PIK3AP1: variants seen among roughly 807,000 people sequenced by gnomAD.
The protein encoded by PIK3AP1 is phosphoinositide-3-kinase adaptor protein 1, also known as phosphoinositide 3-kinase adapter protein 1.
A neutral mutation model predicts 88.1 loss-of-function variants in PIK3AP1; 21 were observed. That is an observed-to-expected ratio of 0.24 (90% CI 0.17 to 0.34). The LOEUF is 0.34. Ranked by LOEUF, PIK3AP1 falls within the 10% of genes least tolerant of loss-of-function variation. The probability of loss-of-function intolerance (pLI) is 1.00; values close to 1 mark genes in which losing one functional copy is unlikely to be tolerated. For synonymous variants in PIK3AP1, 398 were observed against 400.0 expected (o/e 1.00, Z 0.06); for missense variants, 828 against 1,035.7 (o/e 0.80, Z 2.75).
intron 10 of PIK3AP1, 98 bp downstream of exon 10, chr10:96,626,610 T>A: frequency 7.8e-7 from 1 of 1,282,800 alleles, no homozygotes; most frequent in Non-Finnish European, 1.1e-6. Flanking sequence ...TAGAAGGGGA[T>A]AGTCTCTGAG....
intron 8 of PIK3AP1, among the ~76,000 whole-genome samples, chr10:96,639,064 A>G (rs563316156): frequency 2.6e-5 from 4 of 152,224 alleles, no homozygotes; most frequent in Non-Finnish European, 2.9e-5. Flanking sequence ...GAAAAGAGAA[A>G]GGCAATTTAG....
intron 8 of PIK3AP1, among the ~76,000 whole-genome samples, chr10:96,633,734 A>G (rs1259144789): frequency 2.0e-5 from 3 of 152,252 alleles, no homozygotes; most frequent in African/African-American, 7.2e-5. Flanking sequence ...AGTTCATTGT[A>G]ATATTTGAAT....
chr10:96,630,450 T>C (rs757963184), intron 8 of PIK3AP1, among the ~76,000 whole-genome samples: 6 of 152,218 alleles, frequency 3.9e-5, no homozygotes, highest in African/African-American at 4.8e-5. Context: ...ATTCATTCTT[T>C]AAAAATTCAA....
At chr10:96,677,307 A>G (rs1843936652) in intron 2 of PIK3AP1, among the ~76,000 whole-genome samples, 1 of 152,064 alleles carries the variant, frequency 6.6e-6, no homozygotes, top group Non-Finnish European at 1.5e-5. Context: ...AAAACCAATC[A>G]TGTTTGGTTT....
In PIK3AP1 at chr10:96,720,499, G is replaced by T. The variant is rs1844558070; in HGVS notation, c.-105C>A. On this transcript the variant is annotated 5_prime_UTR_variant, in exon 1 of 17. Coordinates refer to ENST00000339364, the MANE Select transcript of PIK3AP1 (RefSeq NM_152309.3). The surrounding 1 kb of genome is among the most constrained non-coding windows in gnomAD (Gnocchi z 4.6). ...TGGAGGGGCGCCGGGCTCCGCGCGG[G>T]ACCGGCCGCCGCTCTGGCGCTTCCT... 1 of 1,059,938 alleles carries T rather than the reference G, an allele frequency of 9.4e-7. No homozygotes were observed. Among genetic ancestry groups the T allele is most frequent in the African/African-American group, 1.7e-5 (1 of 59,916 alleles). 65.7% of individuals were successfully genotyped at this position (1,059,938 alleles called of 1,614,324 possible). A position where few individuals can be genotyped will look rare whatever the true frequency, so the allele number is the denominator to read the frequency against.
intron 16 of PIK3AP1, among the ~76,000 whole-genome samples, 177 bp from the exon 17 acceptor site, chr10:96,595,811 C>T (rs926808870): frequency 6.6e-6 from 1 of 152,144 alleles, no homozygotes; most frequent in South Asian, 2.1e-4. Context: ...GCAATCCTGG[C>T]GGCACATTAG....
rs1261077605 is a variant in PIK3AP1, at chr10:96,609,795, C to G, written c.2087G>C (p.Ser696Thr). 1 of 1,614,162 alleles carries G rather than the reference C, an allele frequency of 6.2e-7. No homozygotes were observed. Among genetic ancestry groups the G allele is most frequent in the South Asian group, 1.1e-5 (1 of 91,082 alleles). ...GGGAATGACACTTTTCCTGGGGCCA[C>G]TCTCATAGACTCCAAACTCCACTTT... ...PAKVEFGVYE[S>T]GPRKSVIPPR... Residue 696 changes from serine (S) to threonine (T), a missense_variant, in exon 14 of 17, where the codon AGT (serine) becomes ACT (threonine). Coordinates refer to ENST00000339364, the MANE Select transcript of PIK3AP1 (RefSeq NM_152309.3).
intron 2 of PIK3AP1, among the ~76,000 whole-genome samples, chr10:96,671,749 A>C (rs1843850356): frequency 6.6e-6 from 1 of 152,150 alleles, no homozygotes; most frequent in East Asian, 1.9e-4. Flanking sequence ...CAGACTTTAA[A>C]TACAGTCATG....
intron 2 of PIK3AP1, among the ~76,000 whole-genome samples, chr10:96,689,083 GT>G (rs1844115864): frequency 6.6e-6 from 1 of 152,128 alleles, no homozygotes; most frequent in Non-Finnish European, 1.5e-5. Flanking sequence ...ACATCCTGAT[GT>G]TGAAGGTTCT....
chr10:96,624,248 ACAGTGTGTGGCC>A (rs1475334273), intron 10 of PIK3AP1, among the ~76,000 whole-genome samples: 1 of 152,226 alleles, frequency 6.6e-6, no homozygotes, highest in Non-Finnish European at 1.5e-5. Flanking sequence ...AGTGCTTAGA[ACAGTGTGTGGCC>A]CATGTAAACA....
chr10:96,604,083 G>T, intron 14 of PIK3AP1, 34 bp from the exon 15 acceptor site: 1 of 1,473,864 alleles, frequency 6.8e-7, no homozygotes, highest in South Asian at 1.2e-5. Flanking sequence ...CCGGATTGAG[G>T]ATTCTTTCAG....
chr10:96,633,245 T>C, intron 8 of PIK3AP1: 1 of 593,536 alleles, frequency 1.7e-6, no homozygotes, highest in Non-Finnish European at 2.6e-6. Flanking sequence ...GCCATTTTTA[T>C]TGTAGGCAAT....
intron 2 of PIK3AP1, among the ~76,000 whole-genome samples, chr10:96,695,507 A>C (rs1046696420): frequency 6.6e-6 from 1 of 152,202 alleles, no homozygotes; most frequent in African/African-American, 2.4e-5. Flanking sequence ...CAGATGTTGG[A>C]GAGTAAACCA....
intron 8 of PIK3AP1, among the ~76,000 whole-genome samples, chr10:96,629,909 C>CAAAAA (rs66669261): frequency 0.017 from 89 of 5,390 alleles, 11 homozygotes; most frequent in Non-Finnish European, 0.057. Flanking sequence ...CAACAACAAC[C>CAAAAA]AAAAAAAAAA....
At chr10:96,640,944 T>G (rs2134223241) in intron 8 of PIK3AP1, among the ~76,000 whole-genome samples, 1 of 152,292 alleles carries the variant, frequency 6.6e-6, no homozygotes, top group Non-Finnish European at 1.5e-5. Flanking sequence ...ATTACGGGCA[T>G]GAGCCACCAT....
At chr10:96,664,040 C>A (rs982990477) in intron 2 of PIK3AP1, among the ~76,000 whole-genome samples, 1 of 152,206 alleles carries the variant, frequency 6.6e-6, no homozygotes, top group Non-Finnish European at 1.5e-5. Flanking sequence ...CATGTGTCCA[C>A]ACCCAGAGAA....
intron 2 of PIK3AP1, among the ~76,000 whole-genome samples, chr10:96,673,902 C>T (rs1843881785): frequency 6.6e-6 from 1 of 152,134 alleles, no homozygotes; most frequent in Admixed American, 6.5e-5. Flanking sequence ...GTTTACTTTC[C>T]CCCACTTAGG....
At chr10:96,710,784 A>C (rs1844428903) in intron 1 of PIK3AP1, among the ~76,000 whole-genome samples, 1 of 152,176 alleles carries the variant, frequency 6.6e-6, no homozygotes, top group African/African-American at 2.4e-5. Flanking sequence ...GAGAAACCTG[A>C]GGTGTGACAG....
rs1014708321 is a variant in PIK3AP1, at chr10:96,594,614, C to T, written c.*963G>A. 1.4e-4 allele frequency: 21 copies of T among 152,142 alleles called. No individual in the cohort carries two copies. The highest frequency in any genetic ancestry group is 4.8e-4 in the African/African-American group (20 of 41,412). The allele number at this position is 152,142 out of a possible 1,614,324, so 9.4% of individuals were successfully genotyped here. A position where few individuals can be genotyped will look rare whatever the true frequency, so the allele number is the denominator to read the frequency against. ...CTCAACGAAGAAAAAGTCAAAGGTC[C>T]TTCTCTCTCTATGACCAGAAATAAA... is the stretch of plus-strand genomic sequence containing the variant. On this transcript the variant is annotated 3_prime_UTR_variant, in exon 17 of 17. Coordinates refer to ENST00000339364, the MANE Select transcript of PIK3AP1 (RefSeq NM_152309.3). This position sits in a 1 kb window ranked among gnomAD's most constrained non-coding sequence, Gnocchi z 4.6.
Sources: allele counts gnomAD v4.1 joint callset (sites outside exome capture counted in the v4.1 genomes callset), GRCh38; gene constraint gnomAD v4.1.1; non-coding constraint Gnocchi (gnomAD v3.1); transcripts MANE v1.5; gene names NCBI Gene and HGNC (gene_info 2026-07-23, HGNC 2026-07-21).